The following SLC7A8 variants were observed in gnomAD, a reference collection of about 807,000 sequenced individuals.
The protein encoded by SLC7A8 is solute carrier family 7 member 8.
In SLC7A8, 30 loss-of-function variants were observed where a neutral mutation model predicts 51.2. That is an observed-to-expected ratio of 0.59 (90% confidence interval 0.44 to 0.80). SLC7A8 has a LOEUF of 0.80. SLC7A8 is among the 30% of genes least tolerant of loss of function. SLC7A8 has a pLI of 0.00. For synonymous variants in SLC7A8, 257 were observed against 275.8 expected, an observed-to-expected ratio of 0.93 and a Z score of 0.67; for missense variants, 612 against 674.4, an observed-to-expected ratio of 0.91 and a Z score of 1.03.
In SLC7A8 at chr14:23,143,160, G is replaced by C. The variant is rs554159244; in HGVS notation, c.553C>G (p.Arg185Gly). The change falls in exon 4 of 11, where the codon CGG becomes GGG. Residue 185 changes from arginine to glycine, a missense_variant. Arg to Gly is a moderately radical substitution (Grantham distance 125). Transcript: ENST00000316902. ...VNCSSVRWAT[R>G]VQDIFTAGKL... is the part of the protein sequence containing the mutation. The stretch of plus-strand genomic sequence containing the variant: ...CCAGCTGTGAAGATGTCTTGAACCC[G>C]GGTGGCCCACCGCACACTGGAACAG... 41 of 1,614,172 alleles carry C rather than the reference G, an allele frequency of 2.5e-5. No individual in the cohort carries two copies. Among genetic ancestry groups the C allele is most frequent in the Non-Finnish European group, 3.1e-5 (37 of 1,180,028 alleles).
chr14:23,154,168 A>G (rs1306877015), intron 3 of SLC7A8: 1 of 841,310 alleles, frequency 1.2e-6, no homozygotes, highest in African/African-American at 1.8e-5. Flanking sequence ...CAAAACAGGC[A>G]CCTTTCTGGA....
chr14:23,149,355 C>T (rs1319163256), intron 3 of SLC7A8, among the ~76,000 whole-genome samples: 1 of 152,200 alleles, frequency 6.6e-6, no homozygotes, highest in Non-Finnish European at 1.5e-5. Context: ...CCAGTCTCCC[C>T]TGTATTCCTT....
At chr14:23,155,156 A>G (rs1467610504) in intron 3 of SLC7A8, 2 of 1,535,568 alleles carry the variant, frequency 1.3e-6, no homozygotes, top group African/African-American at 2.7e-5. Flanking sequence ...TTTCATCTCG[A>G]AGCACTTACA....
chr14:23,141,129 T>A (rs2048741220), intron 4 of SLC7A8, among the ~76,000 whole-genome samples: 1 of 151,892 alleles, frequency 6.6e-6, no homozygotes, highest in African/African-American at 2.4e-5. Context: ...ACCACTAATT[T>A]AAAAAGTTAG....
Position 23,157,195 on chromosome 14 carries a change from C to T in SLC7A8, c.508+8090G>A, listed in dbSNP as rs2048898565. On this transcript the variant is annotated intron_variant, in intron 3 of 10. Transcript: ENST00000316902. ...CCAGTGTTGTCCTTGATTTACTTCA[C>T]CTGTATCCCCAACAAGACCATGCAG... Among the ~76,000 whole-genome samples the T allele has an allele frequency of 2.6e-5, 4 of 152,174 alleles. No individual in the cohort carries two copies. In the South Asian group the frequency reaches 8.3e-4, roughly 32 times the overall value.
intron 3 of SLC7A8, among the ~76,000 whole-genome samples, chr14:23,147,713 A>C (rs1478263299): frequency 6.6e-6 from 1 of 152,188 alleles, no homozygotes; most frequent in East Asian, 1.9e-4. Context: ...AAGACTATTA[A>C]GAAGACAAGA....
At chr14:23,158,405 G>A (rs1195395793) in intron 3 of SLC7A8, among the ~76,000 whole-genome samples, 1 of 152,180 alleles carries the variant, frequency 6.6e-6, no homozygotes, top group African/African-American at 2.4e-5. Flanking sequence ...GAGTGCAGTG[G>A]CGCAATCTCG....
In SLC7A8 at chr14:23,140,428, G is replaced by A. The variant is rs2048732706; in HGVS notation, c.788+43C>T. 1.9e-6 allele frequency: 3 copies of A among 1,559,848 alleles called. No homozygotes were observed. In the East Asian group the frequency reaches 6.8e-5, roughly 36 times the overall value. On this transcript the variant is annotated intron_variant, in intron 5 of 10. Transcript: ENST00000316902. ...CCCTCTTTCCAGCAGCAGGTGCTGT[G>A]GCCCTTCAAGGGAGAGGGAATAGCC...
chr14:23,172,827 A>G (rs1290834992), intron 1 of SLC7A8, among the ~76,000 whole-genome samples: 1 of 152,202 alleles, frequency 6.6e-6, no homozygotes, highest in Non-Finnish European at 1.5e-5. Context: ...GCTTCATTGA[A>G]GTTTGAAGGT....
chr14:23,149,866 A>T (rs1264796610), intron 3 of SLC7A8, among the ~76,000 whole-genome samples: 2 of 152,220 alleles, frequency 1.3e-5, no homozygotes, highest in Non-Finnish European at 2.9e-5. Flanking sequence ...ATGCACAAAT[A>T]CAACTGCCTA....
chr14:23,167,962 C>G (rs1366905663), intron 1 of SLC7A8, among the ~76,000 whole-genome samples: 1 of 152,120 alleles, frequency 6.6e-6, no homozygotes, highest in African/African-American at 2.4e-5. Flanking sequence ...AATATAGGAT[C>G]AGAGGGCACA....
Position 23,128,512 on chromosome 14 carries a change from G to T in SLC7A8, c.1264-316C>A. On this transcript the variant is annotated intron_variant, in intron 9 of 10. Coordinates refer to ENST00000316902, the MANE Select transcript of SLC7A8 (RefSeq NM_012244.4). This position sits in a 1 kb window ranked among gnomAD's most constrained non-coding sequence, Gnocchi z 4.3. ...TCATGCATGCCATGTGCCCGTGGCA[G>T]CCAGAGAAGCCCACAGGGATGGAGA... 1 of 642,128 alleles carries T rather than the reference G, an allele frequency of 1.6e-6. No homozygotes were observed. The highest frequency in any genetic ancestry group is 2.5e-6 in the Non-Finnish European group (1 of 397,750). The allele number at this position is 642,128 out of a possible 1,614,324, so 39.8% of individuals were successfully genotyped here.
At position 23,165,118 on chromosome 14, in the gene SLC7A8, C is replaced by T. The variant is rs146269853; in HGVS notation, c.508+167G>A. Among the ~76,000 whole-genome samples the T allele has an allele frequency of 9.7e-4, 147 of 151,834 alleles. No homozygotes were observed. The East Asian group carries it at 0.022, about 22-fold the overall frequency. On this transcript the variant is annotated intron_variant, in intron 3 of 10. Transcript: ENST00000316902. This position sits in a 1 kb window ranked among gnomAD's most constrained non-coding sequence, Gnocchi z 4.2. The stretch of plus-strand genomic sequence containing the variant: ...CTGTAACCACAACACTTTGGGAGGC[C>T]GAGGCAGGAGGATCACTTGAGCCCA...
At chr14:23,180,852 C>T (rs149841525) in intron 1 of SLC7A8, among the ~76,000 whole-genome samples, 6,725 of 152,156 alleles carry the variant, frequency 0.044, 193 homozygotes, top group Non-Finnish European at 0.066. Flanking sequence ...GGTGAAACCC[C>T]GTCTCTACTA....
chr14:23,180,285 C>T (rs1172823604), intron 1 of SLC7A8, among the ~76,000 whole-genome samples: 1 of 152,024 alleles, frequency 6.6e-6, no homozygotes, highest in Non-Finnish European at 1.5e-5. Flanking sequence ...ACAGAAAATG[C>T]CATTTCTATT....
chr14:23,157,051 C>T (rs2048897887), intron 3 of SLC7A8, among the ~76,000 whole-genome samples: 1 of 152,114 alleles, frequency 6.6e-6, no homozygotes, highest in Admixed American at 6.5e-5. Context: ...TTCTCAAGTC[C>T]CAGCAAGTCT....
At chr14:23,159,520 C>T (rs1171150660) in intron 3 of SLC7A8, among the ~76,000 whole-genome samples, 3 of 152,160 alleles carry the variant, frequency 2.0e-5, no homozygotes, top group Non-Finnish European at 2.9e-5. Flanking sequence ...CAGTGCTGCC[C>T]AGGTATCTGA....
chr14:23,155,364 C>G, intron 3 of SLC7A8: 2 of 1,511,648 alleles, frequency 1.3e-6, no homozygotes, highest in South Asian at 2.4e-5. Context: ...CCCATCCCCT[C>G]CCCTCCTCCC....
intron 3 of SLC7A8, chr14:23,155,030 C>A: frequency 1.7e-6 from 1 of 591,362 alleles, no homozygotes; most frequent in Non-Finnish European, 2.7e-6. Context: ...TCAAAGCAGC[C>A]CTTCCTCATA....
Sources: gnomAD v4.1 joint callset for allele counts (sites outside exome capture counted in the v4.1 genomes callset) on GRCh38, gnomAD v4.1.1 for gene constraint, Gnocchi (gnomAD v3.1) non-coding constraint, MANE v1.5 for transcripts, NCBI Gene and HGNC (gene_info 2026-07-23, HGNC 2026-07-21) for gene names.